The following RASGEF1A variants were observed in gnomAD, a reference collection of about 807,000 sequenced individuals.
RASGEF1A encodes ras-GEF domain-containing family member 1A.
RASGEF1A carries 18 observed loss-of-function variants against 56.4 expected under a neutral mutation model. The observed-to-expected ratio is 0.32, with a 90% confidence interval of 0.22 to 0.47. The LOEUF is 0.47. Among genes scored for constraint, RASGEF1A ranks in the 20% least tolerant of loss-of-function variants. The pLI, the probability that RASGEF1A is intolerant of heterozygous loss-of-function variation, is 1.00. For missense variants in RASGEF1A, 422 were observed against 627.1 expected, an observed-to-expected ratio of 0.67 and a Z score of 3.49; for synonymous variants, 245 against 242.6, an observed-to-expected ratio of 1.01 and a Z score of -0.09.
intron 1 of RASGEF1A, among the ~76,000 whole-genome samples, chr10:43,235,752 G>GAACGC (rs1840423389): frequency 6.6e-6 from 1 of 152,206 alleles, no homozygotes; most frequent in African/African-American, 2.4e-5. Context: ...GGACAGTGGA[G>GAACGC]AACGCATCCA....
At position 43,203,409 on chromosome 10, in the gene RASGEF1A, G is replaced by A; in HGVS notation, c.210C>T (p.Ile70=). ...TVDYYPDRTY[I]FTFLLSSRVF... is the part of the protein sequence containing the mutation. ...CCCGGGAGCTCAGGAGAAAGGTGAA[G>A]ATGTACGTCCTCTGAAGGCAGGAGA... The change falls in exon 3 of 13, where the codon ATC becomes ATT. Residue 70 remains isoleucine (I), a synonymous_variant. Transcript: ENST00000395810. The A allele has an allele frequency of 6.4e-7, 1 of 1,573,822 alleles. No individual in the cohort carries two copies. Among genetic ancestry groups the A allele is most frequent in the East Asian group, 2.3e-5 (1 of 43,038 alleles).
Position 43,198,998 on chromosome 10 carries a change from TG to T in RASGEF1A, c.966del (p.Ser323ValfsTer6). ...GTTTTCTTCAGCCTTGCCACAGGACTGAGGTTCATGCCAGCTGCAGAGGACA... is the reference window on the plus strand; with the variant it reads ...GTTTTCTTCAGCCTTGCCACAGGACTAGGTTCATGCCAGCTGCAGAGGACA... ...SMMAIISGMN[L>X]SPVARLKKTW... On this transcript the variant is annotated frameshift_variant, in exon 9 of 13. Coordinates refer to ENST00000395810, the MANE Select transcript of RASGEF1A (RefSeq NM_145313.4). LOFTEE classifies it high-confidence loss of function. The T allele has an allele frequency of 6.2e-7, 1 of 1,608,408 alleles. No individual in the cohort carries two copies. Among genetic ancestry groups the T allele is most frequent in the Non-Finnish European group, 8.5e-7 (1 of 1,179,292 alleles).
rs1840332959 is a variant in RASGEF1A at position 43,229,578 on chromosome 10, G to C, written c.-6-23456C>G. ...CAGGGGACCGTCGCACCCCTCCCGA[G>C]CCCGACAGCGCAAGAACCCTGCCCC... On this transcript the variant is annotated intron_variant, in intron 1 of 12. Transcript: ENST00000395810. 2.8e-6 allele frequency: 4 copies of C among 1,403,632 alleles called. No homozygotes were observed. In the East Asian group the frequency reaches 1.2e-4, roughly 41 times the overall value. The allele number at this position is 1,403,632 out of a possible 1,614,324, so 86.9% of individuals were successfully genotyped here.
intron 1 of RASGEF1A, among the ~76,000 whole-genome samples, chr10:43,263,972 T>C (rs993423665): frequency 6.6e-6 from 1 of 151,668 alleles, no homozygotes; most frequent in Non-Finnish European, 1.5e-5. Context: ...CGGTCACCCC[T>C]CACAGCCCTC....
intron 1 of RASGEF1A, among the ~76,000 whole-genome samples, chr10:43,253,567 G>C (rs1287692913): frequency 1.3e-5 from 2 of 152,370 alleles, no homozygotes; most frequent in African/African-American, 4.8e-5. Flanking sequence ...GACAGGGTCA[G>C]GGAGATGGTG....
rs749010259 is a variant in RASGEF1A at position 43,199,656 on chromosome 10, T to C, written c.849+20A>G. On this transcript the variant is annotated intron_variant, in intron 7 of 12. Transcript: ENST00000395810. ...TGTGGGCATGGCAGCCACCCCACCA[T>C]GTCTGCCATGGGCACTTACCCGGCA... 2.5e-6 allele frequency: 4 copies of C among 1,606,992 alleles called. No individual in the cohort carries two copies. Among genetic ancestry groups the C allele is most frequent in the Non-Finnish European group, 3.4e-6 (4 of 1,175,008 alleles).
At position 43,243,552 on chromosome 10, in the gene RASGEF1A, G is replaced by A. The variant is rs11528484; in HGVS notation, c.-7+23293C>T. On this transcript the variant is annotated intron_variant, in intron 1 of 12. Transcript: ENST00000395810. ...GCCTGGGAAGTGGGTGCCTCTGCCCGGCCGCCCCGTCTGGGAGGTGAGGGG... is the reference window on the plus strand; with the variant it reads ...GCCTGGGAAGTGGGTGCCTCTGCCCAGCCGCCCCGTCTGGGAGGTGAGGGG... 3.4e-3 allele frequency among the ~76,000 whole-genome samples: 454 copies of A among 134,982 alleles called. 2 individuals are homozygous for A. Among genetic ancestry groups the A allele is most frequent in the Middle Eastern group, 6.0e-3 (1 of 166 alleles). 88.6% of individuals were successfully genotyped at this position (134,982 alleles called of 152,430 possible).
chr10:43,229,486 A>C (rs1840330666), intron 1 of RASGEF1A: 1 of 563,710 alleles, frequency 1.8e-6, no homozygotes, highest in Admixed American at 4.1e-5. Context: ...TAGGTGCTCC[A>C]GCGGGGACGC....
rs192015064 is a variant in RASGEF1A at position 43,264,952 on chromosome 10, G to A, written c.-7+1893C>T. Among the ~76,000 whole-genome samples, 42 of 152,188 alleles carry A rather than the reference G, an allele frequency of 2.8e-4. 4 individuals are homozygous for A. In the South Asian group the frequency reaches 3.9e-3, roughly 14 times the overall value. On this transcript the variant is annotated intron_variant, in intron 1 of 12. Transcript: ENST00000395810. ...TGCCAAAAACCAAAGGCCAACCAAA[G>A]CTGTCCCATCCTGCCCCTGGCATCA... is the stretch of plus-strand genomic sequence containing the variant.
At chr10:43,258,174 C>G (rs555569612) in intron 1 of RASGEF1A, among the ~76,000 whole-genome samples, 200 of 152,350 alleles carry the variant, frequency 1.3e-3, no homozygotes, top group Non-Finnish European at 2.2e-3. Flanking sequence ...AACCCTGCGC[C>G]AGTCAACTCT....
chr10:43,257,990 G>A (rs1457871285), intron 1 of RASGEF1A, among the ~76,000 whole-genome samples: 1 of 152,212 alleles, frequency 6.6e-6, no homozygotes, highest in Admixed American at 6.5e-5. Context: ...AGGGCCTCCA[G>A]TGTTACATTT....
At position 43,195,814 on chromosome 10, in the gene RASGEF1A, C is replaced by G. The variant is rs1839787577; in HGVS notation, c.*430G>C. On this transcript the variant is annotated 3_prime_UTR_variant, in exon 13 of 13. Transcript: ENST00000395810. This position sits in a 1 kb window ranked among gnomAD's most constrained non-coding sequence, Gnocchi z 4.2. ...CAAACCACAGAGCAGGAAGACCAGA[C>G]CCCAGTACCCTCTAAGGCACTAACC... The G allele has an allele frequency of 6.4e-6, 1 of 156,496 alleles. No individual in the cohort carries two copies. The highest frequency in any genetic ancestry group is 1.9e-4 in the South Asian group (1 of 5,218). The allele number at this position is 156,496 out of a possible 1,614,324, so 9.7% of individuals were successfully genotyped here.
chr10:43,246,452 G>A (rs1840567957), intron 1 of RASGEF1A, among the ~76,000 whole-genome samples: 1 of 152,148 alleles, frequency 6.6e-6, no homozygotes, highest in African/African-American at 2.4e-5. Flanking sequence ...AAAGGGACCT[G>A]GAACAACCAA....
intron 1 of RASGEF1A, among the ~76,000 whole-genome samples, chr10:43,210,690 A>G (rs543403393): frequency 1.4e-4 from 22 of 152,332 alleles, no homozygotes; most frequent in Admixed American, 9.1e-4. Flanking sequence ...CACCAGACCC[A>G]TCTCGAGGCA....
intron 1 of RASGEF1A, among the ~76,000 whole-genome samples, chr10:43,235,212 C>T (rs369530758): frequency 2.7e-4 from 41 of 152,354 alleles, no homozygotes; most frequent in Non-Finnish European, 3.5e-4. Context: ...CTTTCTGATG[C>T]GCAAGGCAAC....
chr10:43,215,953 G>A (rs894237590), intron 1 of RASGEF1A, among the ~76,000 whole-genome samples: 3 of 152,212 alleles, frequency 2.0e-5, no homozygotes, highest in African/African-American at 4.8e-5. Flanking sequence ...GGGAAAGGAC[G>A]AGCAGAGTGA....
chr10:43,263,693 G>C (rs1305410799), intron 1 of RASGEF1A, among the ~76,000 whole-genome samples: 2 of 152,150 alleles, frequency 1.3e-5, no homozygotes, highest in African/African-American at 2.4e-5. Context: ...CCCCAGCCCG[G>C]GCAGTGCCCA....
chr10:43,265,870 C>G (rs1028384476), intron 1 of RASGEF1A, among the ~76,000 whole-genome samples: 1 of 152,242 alleles, frequency 6.6e-6, no homozygotes, highest in Non-Finnish European at 1.5e-5. Flanking sequence ...TGGGAGGCTC[C>G]CCTGCACCCA....
chr10:43,197,597 A>G (rs539685480), intron 10 of RASGEF1A, among the ~76,000 whole-genome samples: 2 of 152,192 alleles, frequency 1.3e-5, no homozygotes, highest in East Asian at 3.9e-4. Flanking sequence ...AGGTGCCCTC[A>G]GGCCCACGAG....
Sources: allele counts gnomAD v4.1 joint callset (sites outside exome capture counted in the v4.1 genomes callset), GRCh38; gene constraint gnomAD v4.1.1; non-coding constraint Gnocchi (gnomAD v3.1); transcripts MANE v1.5; gene names NCBI Gene and HGNC (gene_info 2026-07-23, HGNC 2026-07-21).